The following TTC7A variants were observed in gnomAD, a reference collection of about 807,000 sequenced individuals.
TTC7A encodes the protein tetratricopeptide repeat protein 7A.
A neutral mutation model predicts 103.7 loss-of-function variants in TTC7A; 110 were observed. The ratio of observed to expected loss-of-function variants is 1.06; its 90% confidence interval spans 0.91 to 1.24. The LOEUF is 1.24. Ranked by LOEUF, TTC7A falls within the 50% of genes most tolerant of loss-of-function variation. The pLI is 0.00. For synonymous variants in TTC7A, 521 were observed against 467.9 expected, an observed-to-expected ratio of 1.11 and a Z score of -1.47; for missense variants, 1,340 against 1,116.3, an observed-to-expected ratio of 1.20 and a Z score of -2.86.
intron 10 of TTC7A, among the ~76,000 whole-genome samples, chr2:47,008,928 G>A (rs371371025): frequency 2.6e-5 from 4 of 152,034 alleles, no homozygotes; most frequent in South Asian, 2.1e-4. Flanking sequence ...CTGCTGCTCC[G>A]GCTGCTGAGT....
At chr2:46,937,899 G>A (rs1166951758), upstream of TTC7A, among the ~76,000 whole-genome samples, 1 of 152,128 alleles carries the variant, frequency 6.6e-6, no homozygotes, top group African/African-American at 2.4e-5. The surrounding 1 kb of genome is among the most constrained non-coding windows in gnomAD (Gnocchi z 4.0). Context: ...TGTTCAGCAG[G>A]TCATGGACTG....
intron 11 of TTC7A, among the ~76,000 whole-genome samples, chr2:47,012,728 G>A (rs972548197): frequency 1.2e-4 from 19 of 152,098 alleles, no homozygotes; most frequent in Non-Finnish European, 2.2e-4. Context: ...CCTCATCATC[G>A]CAGCAGGGCT....
Position 47,005,962 on chromosome 2 carries a change from A to C in TTC7A, c.1106A>C (p.Glu369Ala). 6.2e-7 allele frequency: 1 copy of C among 1,614,112 alleles called. No individual in the cohort carries two copies. Among genetic ancestry groups the C allele is most frequent in the Non-Finnish European group, 8.5e-7 (1 of 1,180,024 alleles). Residue 369 changes from glutamate (E) to alanine (A), a missense_variant, in exon 9 of 20, where the codon GAG becomes GCG. Glu to Ala is a moderately radical substitution (Grantham distance 107, BLOSUM62 -1). Coordinates refer to ENST00000319190, the MANE Select transcript of TTC7A (RefSeq NM_020458.4). The stretch of plus-strand genomic sequence containing the variant: ...GTGCTGAGCCGGGTGCCGGAGCAGG[A>C]GGAGGACCGGACAGTGAGCTTGCAG... ...DVVLSRVPEQ[E>A]EDRTVSLQNA...
At chr2:47,032,239 A>C (rs1293218168) in intron 15 of TTC7A, among the ~76,000 whole-genome samples, 1 of 152,176 alleles carries the variant, frequency 6.6e-6, no homozygotes, top group African/African-American at 2.4e-5. Flanking sequence ...TGTGCATGTG[A>C]GCCTGAGTCC....
At chr2:46,987,464 G>T (rs1558541832) in intron 5 of TTC7A, among the ~76,000 whole-genome samples, 1 of 152,190 alleles carries the variant, frequency 6.6e-6, no homozygotes, top group African/African-American at 2.4e-5. Flanking sequence ...TAGGACAAGT[G>T]CCTGGGCATC....
intron 8 of TTC7A, among the ~76,000 whole-genome samples, chr2:47,004,416 A>C (rs1271684298): frequency 6.6e-6 from 1 of 152,044 alleles, no homozygotes; most frequent in Admixed American, 6.6e-5. Flanking sequence ...CCTCACCTGG[A>C]GGAGGGGAGA....
At chr2:46,962,512 C>T (rs926647030) in intron 3 of TTC7A, among the ~76,000 whole-genome samples, 2 of 152,186 alleles carry the variant, frequency 1.3e-5, no homozygotes, top group Non-Finnish European at 2.9e-5. Context: ...CTGGGAATGC[C>T]AAGTTAGGGT....
intron 8 of TTC7A, chr2:46,999,831 C>T: frequency 1.0e-6 from 1 of 985,418 alleles, no homozygotes. Flanking sequence ...AGCTGGCGAA[C>T]AAGTTGCTGC....
chr2:46,924,613 C>A (rs1669287318), intron 2 of TTC7A, among the ~76,000 whole-genome samples: 1 of 151,886 alleles, frequency 6.6e-6, no homozygotes, highest in African/African-American at 2.4e-5. Context: ...CCTTACTATT[C>A]ATTGGATATT....
In TTC7A at chr2:47,006,730, GC is replaced by G; in HGVS notation, c.1287+9del. 1 of 1,610,484 alleles carries G rather than the reference GC, an allele frequency of 6.2e-7. No individual in the cohort carries two copies. The highest frequency in any genetic ancestry group is 8.5e-7 in the Non-Finnish European group (1 of 1,176,648). On this transcript the variant is annotated splice_region_variant and intron_variant, in intron 10 of 19. Coordinates refer to ENST00000319190, the MANE Select transcript of TTC7A (RefSeq NM_020458.4). ...CCATGGTGGCTTGTGGGAAGGTAAGGCCCAGGGGGCGCTAGGGGTTGCACAC... is the reference window on the plus strand; with the variant it reads ...CCATGGTGGCTTGTGGGAAGGTAAGGCCAGGGGGCGCTAGGGGTTGCACAC...
chr2:46,975,059 A>G lies in TTC7A; in HGVS notation c.604A>G (p.Arg202Gly), dbSNP rs756743850. ...REEEVITCFE[R>G]ASWIAQVFLQ... Reference sequence around the variant, plus strand: ...GGAGGAAGTGATCACCTGTTTTGAGAGGGCCTCCTGGATCGCTCAGGTGTT... The same window carrying G: ...GGAGGAAGTGATCACCTGTTTTGAGGGGGCCTCCTGGATCGCTCAGGTGTT... Residue 202 changes from arginine to glycine, a missense_variant, in exon 4 of 20, where the codon AGG (arginine) becomes GGG (glycine). Transcript: ENST00000319190. 2.5e-6 allele frequency: 4 copies of G among 1,613,808 alleles called. No homozygotes were observed. In the East Asian group the frequency reaches 8.9e-5, roughly 36 times the overall value.
At chr2:46,999,598 G>A (rs1676582816) in intron 8 of TTC7A, 2 of 985,342 alleles carry the variant, frequency 2.0e-6, no homozygotes, top group African/African-American at 1.7e-5. Flanking sequence ...ACCCAGGGAT[G>A]TGGAGGAAAC....
rs756694572 is a variant in TTC7A, at chr2:46,996,053, G to A, written c.1065+854G>A. ...GGCAAACACAAGCACGTGGATGCAC[G>A]CACACACTCGTGCTTGCACACATAT... On this transcript the variant is annotated intron_variant, in intron 8 of 19. Coordinates refer to ENST00000319190, the MANE Select transcript of TTC7A (RefSeq NM_020458.4). 2.6e-5 allele frequency among the ~76,000 whole-genome samples: 4 copies of A among 152,262 alleles called. No individual in the cohort carries two copies. The South Asian group carries it at 6.2e-4, about 24-fold the overall frequency.
Position 46,994,352 on chromosome 2 carries a change from G to A in TTC7A, c.844-5G>A, listed in dbSNP as rs1288462986. 6.2e-7 allele frequency: 1 copy of A among 1,611,104 alleles called. No homozygotes were observed. The highest frequency in any genetic ancestry group is 1.3e-5 in the African/African-American group (1 of 74,958). On this transcript the variant is annotated splice_region_variant and splice_polypyrimidine_tract_variant and intron_variant, in intron 6 of 19. Coordinates refer to ENST00000319190, the MANE Select transcript of TTC7A (RefSeq NM_020458.4). Reference sequence around the variant, plus strand: ...CCTGGGTCCGAGTGCTTCCCTCTCTGCCAGATGGCGGCCAAGCACCTGGCG... The same window carrying A: ...CCTGGGTCCGAGTGCTTCCCTCTCTACCAGATGGCGGCCAAGCACCTGGCG...
At chr2:46,999,320 CCATT>C (rs1406668690) in intron 8 of TTC7A, 48 of 172,884 alleles carry the variant, frequency 2.8e-4, no homozygotes, top group African/African-American at 1.1e-3. Context: ...CATCTACCCA[CCATT>C]CATCTGTCCA....
chr2:47,056,570 G>A (rs1683335843), intron 18 of TTC7A, among the ~76,000 whole-genome samples: 1 of 152,250 alleles, frequency 6.6e-6, no homozygotes. Context: ...GGGTGGGAGA[G>A]CCTCGGCTTT....
At chr2:46,972,230 T>A (rs1673431961) in intron 3 of TTC7A, among the ~76,000 whole-genome samples, 1 of 152,210 alleles carries the variant, frequency 6.6e-6, no homozygotes, top group Admixed American at 6.5e-5. Flanking sequence ...CAAATACAGT[T>A]GTTTTTCCAT....
intron 17 of TTC7A, among the ~76,000 whole-genome samples, chr2:47,051,535 T>C (rs1354039892): frequency 6.6e-6 from 1 of 152,188 alleles, no homozygotes; most frequent in Non-Finnish European, 1.5e-5. Context: ...CTGATTTTCC[T>C]CCAAAGAGCT....
chr2:47,036,591 C>T (rs977204723), intron 15 of TTC7A, among the ~76,000 whole-genome samples: 3 of 152,182 alleles, frequency 2.0e-5, no homozygotes, highest in Admixed American at 6.5e-5. Flanking sequence ...AAATCATACC[C>T]TCTAGGCTGG....
Sources: allele counts gnomAD v4.1 joint callset (sites outside exome capture counted in the v4.1 genomes callset), GRCh38; gene constraint gnomAD v4.1.1; non-coding constraint Gnocchi (gnomAD v3.1); transcripts MANE v1.5; gene names NCBI Gene and HGNC (gene_info 2026-07-23, HGNC 2026-07-21).